The following ACOXL variants were observed in gnomAD, a reference collection of about 807,000 sequenced individuals.
ACOXL encodes acyl-CoA oxidase like.
A neutral mutation model predicts 71.9 loss-of-function variants in ACOXL; 70 were observed. The observed-to-expected ratio is 0.97, with a 90% CI of 0.80 to 1.19. ACOXL has a LOEUF of 1.19. Among genes scored for constraint, ACOXL ranks in the 50% most tolerant of loss-of-function variants. The pLI is 0.00. For synonymous variants in ACOXL, 253 were observed against 281.6 expected (o/e 0.90, Z 1.02); for missense variants, 703 against 736.3 (o/e 0.95, Z 0.52).
At chr2:110,844,230 C>T (rs895689606) in intron 10 of ACOXL, among the ~76,000 whole-genome samples, 4 of 152,172 alleles carry the variant, frequency 2.6e-5, no homozygotes, top group African/African-American at 4.8e-5. Flanking sequence ...GACCTGCTCA[C>T]GGACTGACAT....
chr2:110,979,867 C>T (rs2062625586), intron 12 of ACOXL, among the ~76,000 whole-genome samples: 1 of 152,156 alleles, frequency 6.6e-6, no homozygotes, highest in South Asian at 2.1e-4. Context: ...TTTGGGGGAA[C>T]ATTGGTTCAG....
intron 14 of ACOXL, among the ~76,000 whole-genome samples, chr2:111,026,154 G>A (rs763302771): frequency 9.2e-5 from 14 of 152,032 alleles, no homozygotes; most frequent in South Asian, 4.1e-4. Flanking sequence ...GTACTGTTGC[G>A]TTTACTATAG....
rs112238810 is a variant in ACOXL, at chr2:110,964,037, C to G, written c.1060-23071C>G. Among the ~76,000 whole-genome samples the G allele has an allele frequency of 1.4e-3, 211 of 152,246 alleles. 2 individuals carry two copies. Among genetic ancestry groups the G allele is most frequent in the African/African-American group, 4.9e-3 (202 of 41,540 alleles). The stretch of plus-strand genomic sequence containing the variant: ...GAAAACCCAGTTTACAAAAGAACGG[C>G]AATGGATCAGCCTCCTAATGATCAA... On this transcript the variant is annotated intron_variant, in intron 12 of 17. Transcript: ENST00000439055.
chr2:110,832,276 C>T (rs1333124767), intron 9 of ACOXL, among the ~76,000 whole-genome samples: 3 of 152,170 alleles, frequency 2.0e-5, no homozygotes, highest in Non-Finnish European at 4.4e-5. Context: ...CGGTGGCTCA[C>T]GCCTGTAATC....
At chr2:110,805,117 C>G (rs977974215) in intron 8 of ACOXL, 146 bp from the exon 9 acceptor site, 52 of 1,053,132 alleles carry the variant, frequency 4.9e-5, no homozygotes, top group Non-Finnish European at 6.5e-5. Context: ...TCCCCCTGCC[C>G]TTATCGGCGC....
chr2:110,801,360 A>T (rs1196132933), intron 7 of ACOXL, among the ~76,000 whole-genome samples: 1 of 152,080 alleles, frequency 6.6e-6, no homozygotes, highest in African/African-American at 2.4e-5. Flanking sequence ...ACTGCTCGGG[A>T]GGTAGGTGTG....
chr2:111,109,669 C>CTTTTTTTT (rs1392518341), intron 17 of ACOXL, among the ~76,000 whole-genome samples: 4 of 83,132 alleles, frequency 4.8e-5, no homozygotes, highest in African/African-American at 5.2e-5. Flanking sequence ...TTTTCTCCTT[C>CTTTTTTTT]TATTTTTTTT....
At chr2:110,996,098 T>A (rs1485636011) in intron 14 of ACOXL, 94 bp downstream of exon 14, 7 of 1,042,240 alleles carry the variant, frequency 6.7e-6, no homozygotes, top group East Asian at 2.5e-5. Flanking sequence ...AGAGGATGAG[T>A]CAGCCTAATG....
chr2:110,866,198 G>C (rs1175870723), intron 10 of ACOXL, among the ~76,000 whole-genome samples: 1 of 152,180 alleles, frequency 6.6e-6, no homozygotes, highest in Non-Finnish European at 1.5e-5. Context: ...AGGGGCCATG[G>C]GGCAAGCCAG....
chr2:111,039,351 C>T (rs776890280), intron 15 of ACOXL, among the ~76,000 whole-genome samples: 6 of 151,094 alleles, frequency 4.0e-5, no homozygotes, highest in Non-Finnish European at 7.4e-5. Flanking sequence ...GCAGAGAAAA[C>T]ATAATGCTCT....
At chr2:110,777,135 T>C (rs571236758) in intron 2 of ACOXL, among the ~76,000 whole-genome samples, 3 of 152,104 alleles carry the variant, frequency 2.0e-5, no homozygotes, top group Admixed American at 6.5e-5. Context: ...AGTCTTTAGA[T>C]GTGATCATCT....
At chr2:110,758,611 A>G (rs1161928689) in intron 1 of ACOXL, among the ~76,000 whole-genome samples, 1 of 151,932 alleles carries the variant, frequency 6.6e-6, no homozygotes, top group African/African-American at 2.4e-5. Flanking sequence ...GGTCTATTTA[A>G]TTTGTTCAAA....
intron 12 of ACOXL, among the ~76,000 whole-genome samples, chr2:110,969,613 C>G (rs979802749): frequency 1.3e-5 from 2 of 152,086 alleles, no homozygotes; most frequent in African/African-American, 4.8e-5. Context: ...GAGTTCAAGA[C>G]CAGCCTGGGC....
intron 14 of ACOXL, among the ~76,000 whole-genome samples, chr2:111,017,208 A>C (rs2064493994): frequency 6.6e-6 from 1 of 152,188 alleles, no homozygotes; most frequent in African/African-American, 2.4e-5. Context: ...GGGTGTGCAG[A>C]AATGAGCCTG....
chr2:111,043,237 C>G (rs562847710), intron 15 of ACOXL, among the ~76,000 whole-genome samples: 2 of 152,278 alleles, frequency 1.3e-5, no homozygotes, highest in South Asian at 4.2e-4. Flanking sequence ...AGGGCCAGCT[C>G]CACACCCCCC....
At chr2:110,901,620 CAAA>C (rs1318809029) in intron 10 of ACOXL, among the ~76,000 whole-genome samples, 1 of 150,344 alleles carries the variant, frequency 6.7e-6, no homozygotes, top group African/African-American at 2.5e-5. Flanking sequence ...AGTCTACTAT[CAAA>C]GAAGCATATA....
chr2:110,793,380 C>A (rs942079291), intron 3 of ACOXL, among the ~76,000 whole-genome samples: 2 of 152,148 alleles, frequency 1.3e-5, no homozygotes, highest in Non-Finnish European at 2.9e-5. Context: ...GCTTTCAGAG[C>A]ATTCATTTGT....
chr2:110,935,733 A>G (rs924567819), intron 12 of ACOXL, among the ~76,000 whole-genome samples: 9 of 152,106 alleles, frequency 5.9e-5, no homozygotes, highest in Non-Finnish European at 2.9e-5. Context: ...TGGCTTTTCC[A>G]TAACAACCAG....
chr2:111,109,805 A>G (rs577581098), intron 17 of ACOXL, among the ~76,000 whole-genome samples: 3 of 149,800 alleles, frequency 2.0e-5, no homozygotes, highest in Non-Finnish European at 4.4e-5. Context: ...CAGCCTCCCA[A>G]GTAGCTGGGA....
Sources: allele counts gnomAD v4.1 joint callset (sites outside exome capture counted in the v4.1 genomes callset), GRCh38; gene constraint gnomAD v4.1.1; transcripts MANE v1.5; gene names NCBI Gene and HGNC (gene_info 2026-07-23, HGNC 2026-07-21).